GPHN: variants seen among roughly 807,000 people sequenced by gnomAD.
GPHN encodes gephyrin.
A neutral mutation model predicts 95.5 loss-of-function variants in GPHN; 17 were observed. The ratio of observed to expected loss-of-function variants is 0.18; its 90% CI spans 0.12 to 0.27. GPHN has a LOEUF of 0.27. Among genes scored for constraint, GPHN ranks in the 10% least tolerant of loss-of-function variants. The pLI is 1.00. For missense variants in GPHN, 660 were observed against 978.1 expected, an observed-to-expected ratio of 0.67 and a Z score of 4.34; for synonymous variants, 320 against 322.5, an observed-to-expected ratio of 0.99 and a Z score of 0.08.
At chr14:67,301,447 T>C in the GPHN span, 20 of 1,610,492 alleles carry the variant, frequency 1.2e-5, no homozygotes, top group Non-Finnish European at 1.7e-5. Flanking sequence ...ACTGCTTTGC[T>C]GAATACTCCA....
rs552722429 is a variant in GPHN, at chr14:66,797,546, C to T, written c.201+21025C>T. 7.9e-5 allele frequency among the ~76,000 whole-genome samples: 12 copies of T among 151,770 alleles called. 1 individual carries two copies. The highest frequency in any genetic ancestry group is 1.5e-4 in the Non-Finnish European group (10 of 67,732). On this transcript the variant is annotated intron_variant, in intron 3 of 22. Transcript: ENST00000478722. ...ATTAATCTTTCATTAAGATCTTTTG[C>T]TCTTTGGTTAAATTAATTCCTAAGT...
chr14:67,725,417 G>A, the GPHN span, among the ~76,000 whole-genome samples: 2 of 152,204 alleles, frequency 1.3e-5, no homozygotes, highest in Admixed American at 1.3e-4. Context: ...AGGATGGTGG[G>A]TAGATAGACT....
At chr14:67,305,924 A>C in the GPHN span, among the ~76,000 whole-genome samples, 1 of 152,204 alleles carries the variant, frequency 6.6e-6, no homozygotes, top group Non-Finnish European at 1.5e-5. Context: ...TTAAAAAGGA[A>C]GAAAGTGGGA....
intron 4 of GPHN, among the ~76,000 whole-genome samples, chr14:66,872,447 A>G (rs1476050827): frequency 6.6e-6 from 1 of 152,210 alleles, no homozygotes; most frequent in Non-Finnish European, 1.5e-5. Flanking sequence ...TTAGCCTAAA[A>G]TGTATCTTGA....
chr14:66,948,288 C>T (rs936419379), intron 8 of GPHN, among the ~76,000 whole-genome samples: 16 of 150,974 alleles, frequency 1.1e-4, no homozygotes, highest in Non-Finnish European at 1.9e-4. Flanking sequence ...ATAAATATTC[C>T]TTGTAAAAAA....
chr14:67,682,384 C>T, the GPHN span, among the ~76,000 whole-genome samples: 1 of 152,122 alleles, frequency 6.6e-6, no homozygotes, highest in Non-Finnish European at 1.5e-5. Context: ...CGCATCTAGA[C>T]TATTAAGAAC....
At chr14:66,660,068 T>C (rs2065545830) in intron 1 of GPHN, among the ~76,000 whole-genome samples, 1 of 152,052 alleles carries the variant, frequency 6.6e-6, no homozygotes, top group Non-Finnish European at 1.5e-5. Context: ...ATGATATCTC[T>C]TTTCTAGTGG....
the GPHN span, among the ~76,000 whole-genome samples, chr14:67,275,992 G>T: frequency 1.3e-5 from 2 of 151,970 alleles, no homozygotes; most frequent in South Asian, 2.1e-4. Context: ...TTTATTGCAT[G>T]TATTTGATTC....
the GPHN span, chr14:67,592,124 TTTGA>T: frequency 1.7e-5 from 3 of 177,630 alleles, no homozygotes; most frequent in Non-Finnish European, 3.7e-5. Context: ...TTGCTATATA[TTTGA>T]TTGTGTTCTT....
the GPHN span, among the ~76,000 whole-genome samples, chr14:67,370,352 AAAT>A: frequency 2.0e-5 from 3 of 152,368 alleles, no homozygotes; most frequent in East Asian, 5.8e-4. Context: ...AGAAGAAAAG[AAAT>A]AATAAGGATA....
At chr14:66,806,096 T>G (rs1266215947) in intron 3 of GPHN, among the ~76,000 whole-genome samples, 1 of 152,172 alleles carries the variant, frequency 6.6e-6, no homozygotes, top group African/African-American at 2.4e-5. Context: ...CAAACCTCAA[T>G]TCTTGATTTC....
chr14:66,623,617 C>CAA (rs57810648), intron 1 of GPHN, among the ~76,000 whole-genome samples: 27 of 91,494 alleles, frequency 3.0e-4, no homozygotes, highest in Middle Eastern at 6.9e-3. Flanking sequence ...GACTCTGTTT[C>CAA]AAAAAAAAAA....
chr14:67,031,369 C>T (rs1025406377), intron 10 of GPHN, among the ~76,000 whole-genome samples: 3 of 152,134 alleles, frequency 2.0e-5, no homozygotes, highest in Non-Finnish European at 2.9e-5. Flanking sequence ...TTGCTGCAAC[C>T]TAATCCCTTA....
intron 1 of GPHN, among the ~76,000 whole-genome samples, chr14:66,675,438 C>G (rs1330377853): frequency 6.6e-6 from 1 of 152,126 alleles, no homozygotes; most frequent in Non-Finnish European, 1.5e-5. Context: ...ACCACCGCTC[C>G]CGGCCCCTTT....
chr14:66,568,924 G>A (rs1336945639), intron 1 of GPHN, among the ~76,000 whole-genome samples: 1 of 152,032 alleles, frequency 6.6e-6, no homozygotes, highest in African/African-American at 2.4e-5. Context: ...GTTTATAAAT[G>A]TATGATTAGA....
At chr14:67,087,667 T>C (rs1368893880) in intron 11 of GPHN, among the ~76,000 whole-genome samples, 2 of 152,114 alleles carry the variant, frequency 1.3e-5, no homozygotes, top group Admixed American at 6.5e-5. Context: ...GGTCCGAATA[T>C]AAATTTAAAA....
chr14:67,395,499 C>G, the GPHN span: 1 of 1,614,100 alleles, frequency 6.2e-7, no homozygotes, highest in South Asian at 1.1e-5. Context: ...CCGGTGATCT[C>G]AAAGGCCCAG....
chr14:67,146,670 A>C (rs2080914411), intron 18 of GPHN, among the ~76,000 whole-genome samples: 1 of 152,364 alleles, frequency 6.6e-6, no homozygotes, highest in South Asian at 2.1e-4. Flanking sequence ...TTTAGCAATA[A>C]GAGTGTTAAT....
the GPHN span, chr14:67,562,444 G>A: frequency 6.2e-7 from 1 of 1,613,900 alleles, no homozygotes; most frequent in Non-Finnish European, 8.5e-7. Flanking sequence ...CATGCATGAA[G>A]CTTCTTACCT....
Sources: gnomAD v4.1 joint callset for allele counts (sites outside exome capture counted in the v4.1 genomes callset) on GRCh38, gnomAD v4.1.1 for gene constraint, MANE v1.5 for transcripts, NCBI Gene and HGNC (gene_info 2026-07-23, HGNC 2026-07-21) for gene names.